The following GRXCR2 variants were observed in gnomAD, a reference collection of about 807,000 sequenced individuals.
GRXCR2 encodes the protein glutaredoxin domain-containing cysteine-rich protein 2.
Under a neutral mutation model 24.8 loss-of-function variants are expected in GRXCR2, and 23 were observed. The ratio of observed to expected loss-of-function variants is 0.93; its 90% CI spans 0.67 to 1.32. The LOEUF (loss-of-function observed/expected upper bound fraction) is 1.32. Among genes scored for constraint, GRXCR2 ranks in the 40% most tolerant of loss-of-function variants. The probability of loss-of-function intolerance (pLI) is 0.00; values close to 1 mark genes in which losing one functional copy is unlikely to be tolerated. For synonymous variants in GRXCR2, 130 were observed against 116.1 expected (o/e 1.12, Z -0.77); for missense variants, 315 against 303.4 (o/e 1.04, Z -0.28).
chr5:145,929,946 T>C (rs1757457659), intron 2 of GRXCR2, among the ~76,000 whole-genome samples: 1 of 152,168 alleles, frequency 6.6e-6, no homozygotes, highest in Non-Finnish European at 1.5e-5. Context: ...TAGCCTGGGG[T>C]ACCCTAACCC....
intron 2 of GRXCR2, among the ~76,000 whole-genome samples, chr5:145,928,788 A>G (rs1415694568): frequency 1.3e-5 from 2 of 151,130 alleles, no homozygotes; most frequent in Non-Finnish European, 2.9e-5. Flanking sequence ...GCATTAGGAG[A>G]TATACCTAGT....
At chr5:145,919,964 T>G (rs952167534) in intron 2 of GRXCR2, among the ~76,000 whole-genome samples, 1 of 152,152 alleles carries the variant, frequency 6.6e-6, no homozygotes, top group Non-Finnish European at 1.5e-5. Context: ...AAAACTACAT[T>G]GAAACCGAGG....
intron 2 of GRXCR2, among the ~76,000 whole-genome samples, chr5:145,898,693 T>C (rs577631410): frequency 6.6e-6 from 1 of 151,982 alleles, no homozygotes; most frequent in South Asian, 2.1e-4. Context: ...ATTATCTCAA[T>C]AGACAGGAAG....
chr5:145,885,943 G>A (rs1387992609), intron 2 of GRXCR2, among the ~76,000 whole-genome samples: 2 of 152,180 alleles, frequency 1.3e-5, no homozygotes, highest in Admixed American at 1.3e-4. Context: ...GTGCAGAGAG[G>A]TTAAGTTATC....
intron 2 of GRXCR2, among the ~76,000 whole-genome samples, chr5:145,902,220 A>G (rs184677280): frequency 6.6e-6 from 1 of 152,174 alleles, no homozygotes; most frequent in Non-Finnish European, 1.5e-5. Flanking sequence ...CAGCCTCCCA[A>G]GTAGCTAGGA....
intron 2 of GRXCR2, among the ~76,000 whole-genome samples, chr5:145,883,871 G>C (rs544069497): frequency 1.3e-5 from 2 of 152,312 alleles, no homozygotes; most frequent in East Asian, 1.9e-4. Flanking sequence ...CTGGGCGACA[G>C]AGTGAGACCC....
At chr5:145,893,778 C>T (rs985747787) in intron 2 of GRXCR2, among the ~76,000 whole-genome samples, 5 of 152,248 alleles carry the variant, frequency 3.3e-5, no homozygotes, top group Admixed American at 2.0e-4. Context: ...CTGCACCAAG[C>T]GGACCTAACA....
chr5:145,894,694 T>C (rs1186214819), intron 2 of GRXCR2, among the ~76,000 whole-genome samples: 1 of 152,188 alleles, frequency 6.6e-6, no homozygotes, highest in Non-Finnish European at 1.5e-5. Context: ...AGCCGAATTC[T>C]ACCAGAAATA....
chr5:145,921,124 C>T (rs1266585901), intron 2 of GRXCR2, among the ~76,000 whole-genome samples: 1 of 152,178 alleles, frequency 6.6e-6, no homozygotes, highest in African/African-American at 2.4e-5. Flanking sequence ...AACAAAAACC[C>T]ATGTCAGGTA....
chr5:145,901,943 A>T (rs1185191512), intron 2 of GRXCR2, among the ~76,000 whole-genome samples: 1 of 152,202 alleles, frequency 6.6e-6, no homozygotes, highest in Non-Finnish European at 1.5e-5. Context: ...GGCAGATTCC[A>T]AACATATTTT....
chr5:145,863,348 G>A (rs1390031360), intron 2 of GRXCR2, among the ~76,000 whole-genome samples: 1 of 152,228 alleles, frequency 6.6e-6, no homozygotes, highest in Non-Finnish European at 1.5e-5. Flanking sequence ...TTAAAGGACA[G>A]GCAAGTGAAG....
At chr5:145,899,220 C>T (rs1189110733) in intron 2 of GRXCR2, among the ~76,000 whole-genome samples, 3 of 151,920 alleles carry the variant, frequency 2.0e-5, no homozygotes, top group Non-Finnish European at 4.4e-5. Flanking sequence ...AAGACCTCTA[C>T]AAAAAGAACT....
chr5:145,887,884 C>T (rs918138874), intron 2 of GRXCR2, among the ~76,000 whole-genome samples: 1 of 152,162 alleles, frequency 6.6e-6, no homozygotes, highest in Admixed American at 6.5e-5. Context: ...ACACAGAGTG[C>T]CTATTTTACA....
At chr5:145,884,980 T>A (rs1156863304) in intron 2 of GRXCR2, among the ~76,000 whole-genome samples, 1 of 152,216 alleles carries the variant, frequency 6.6e-6, no homozygotes, top group Non-Finnish European at 1.5e-5. Flanking sequence ...AAATTGAGTA[T>A]GAACATTATC....
intron 2 of GRXCR2, among the ~76,000 whole-genome samples, chr5:145,929,151 T>C (rs978634417): frequency 6.8e-6 from 1 of 148,142 alleles, no homozygotes; most frequent in African/African-American, 2.5e-5. Context: ...TTCACATCAT[T>C]AAATATGCAT....
At chr5:145,927,918 A>G (rs1251413343) in intron 2 of GRXCR2, among the ~76,000 whole-genome samples, 2 of 152,214 alleles carry the variant, frequency 1.3e-5, no homozygotes, top group Non-Finnish European at 2.9e-5. Context: ...TAACTAAACT[A>G]AAGAGCTTCT....
chr5:145,872,511 C>A, intron 1 of GRXCR2, 122 bp downstream of exon 1: 1 of 708,096 alleles, frequency 1.4e-6, no homozygotes. Flanking sequence ...ATTTGGTGCA[C>A]CAACAGTTCT....
Position 145,886,316 on chromosome 5 carries a change from C to G in GRXCR2, c.-69-19588G>C, listed in dbSNP as rs569919553. Among the ~76,000 whole-genome samples, 18 of 152,254 alleles carry G rather than the reference C, an allele frequency of 1.2e-4. No individual in the cohort carries two copies. The South Asian group carries it at 3.1e-3, about 26-fold the overall frequency. On this transcript the variant is annotated intron_variant, in intron 2 of 3. Transcript: ENST00000639411. ...GCCAGTTTCCTTGTACTTTGAAATG[C>G]CTTTTCCTCACTGCCTCTGAGCAGA...
At chr5:145,866,050 C>T (rs1756423505) in intron 2 of GRXCR2, among the ~76,000 whole-genome samples, 1 of 149,654 alleles carries the variant, frequency 6.7e-6, no homozygotes, top group Non-Finnish European at 1.5e-5. Flanking sequence ...GCAGGAGAAT[C>T]ACTTATCCAG....
Sources: allele counts gnomAD v4.1 joint callset (sites outside exome capture counted in the v4.1 genomes callset), GRCh38; gene constraint gnomAD v4.1.1; transcripts MANE v1.5; gene names NCBI Gene and HGNC (gene_info 2026-07-23, HGNC 2026-07-21).